Variants in NRG1 observed in about 807,000 individuals in gnomAD.
The protein encoded by NRG1 is neuregulin 1.
In NRG1, 18 loss-of-function variants were observed where a neutral mutation model predicts 63.8. The ratio of observed to expected loss-of-function variants is 0.28; its 90% CI spans 0.19 to 0.42. The LOEUF (loss-of-function observed/expected upper bound fraction) is 0.42, where lower values mean the gene tolerates loss of function less well. NRG1 is among the 10% of genes least tolerant of loss of function. The pLI is 1.00. For missense variants in NRG1, 762 were observed against 814.7 expected (o/e 0.94, Z 0.79); for synonymous variants, 302 against 301.3 (o/e 1.00, Z -0.02).
chr8:31,911,629 G>T (rs780351739), intron 1 of NRG1, among the ~76,000 whole-genome samples: 2 of 152,146 alleles, frequency 1.3e-5, no homozygotes, highest in Admixed American at 6.6e-5. Context: ...TGGGTACTAG[G>T]CTTAATACAT....
rs192469476 is a variant in NRG1, at chr8:31,919,535, A to G, written c.37+280104A>G. ...GACAATTTACATATTTATAGGAAAT[A>G]TAGTTTCAAATAGATTTTAAGGAGG... On this transcript the variant is annotated intron_variant, in intron 1 of 10. Transcript: ENST00000519301. 1.8e-3 allele frequency among the ~76,000 whole-genome samples: 277 copies of G among 152,192 alleles called. 5 individuals are homozygous for G. The highest frequency in any genetic ancestry group is 0.017 in the Admixed American group (257 of 15,254).
chr8:32,530,829 C>T (rs184515275), intron 1 of NRG1, among the ~76,000 whole-genome samples: 111 of 152,254 alleles, frequency 7.3e-4, no homozygotes, highest in South Asian at 1.2e-3. Flanking sequence ...TGGTGGCTCA[C>T]GCCTGTAATC....
rs148099283 is a variant in NRG1 at position 31,773,660 on chromosome 8, G to A, written c.37+134229G>A. On this transcript the variant is annotated intron_variant, in intron 1 of 10. Coordinates refer to the NRG1 transcript ENST00000519301. Reference sequence around the variant, plus strand: ...AGCCTTTGGCAGTTTTCTCTTAGAAGTGCATGCTTTTACTTAGCTTCAAGC... The same window carrying A: ...AGCCTTTGGCAGTTTTCTCTTAGAAATGCATGCTTTTACTTAGCTTCAAGC... 3.7e-3 allele frequency among the ~76,000 whole-genome samples: 568 copies of A among 152,286 alleles called. 4 individuals carry two copies. Among genetic ancestry groups the A allele is most frequent in the African/African-American group, 0.013 (549 of 41,552 alleles).
At chr8:32,476,550 T>A (rs1328704427) in intron 1 of NRG1, among the ~76,000 whole-genome samples, 1 of 152,226 alleles carries the variant, frequency 6.6e-6, no homozygotes, top group Non-Finnish European at 1.5e-5. Flanking sequence ...TGTGATCTCT[T>A]TTCTTTCAAG....
At chr8:31,985,487 T>A (rs1809910646) in intron 1 of NRG1, among the ~76,000 whole-genome samples, 1 of 152,088 alleles carries the variant, frequency 6.6e-6, no homozygotes, top group Non-Finnish European at 1.5e-5. Flanking sequence ...TAATGTATGA[T>A]GTTACCATTT....
chr8:32,120,725 C>A (rs953183936), intron 1 of NRG1, among the ~76,000 whole-genome samples: 2 of 151,990 alleles, frequency 1.3e-5, no homozygotes, highest in African/African-American at 4.8e-5. Flanking sequence ...TGCTGTATTA[C>A]CAGAGACCAA....
At chr8:32,614,484 T>C (rs756779664) in intron 3 of NRG1, 30 bp from the exon 4 acceptor site, 2 of 1,610,278 alleles carry the variant, frequency 1.2e-6, no homozygotes, top group Non-Finnish European at 1.7e-6. Flanking sequence ...TGTTTATATA[T>C]CATAATGTCC....
Position 31,936,370 on chromosome 8 carries a change from G to C in NRG1, c.37+296939G>C, listed in dbSNP as rs113238068. On this transcript the variant is annotated intron_variant, in intron 1 of 10. Coordinates refer to the NRG1 transcript ENST00000519301. ...TCGCAGTTAGGGGGTTTCTTAGAAA[G>C]TGCTATACATAATCAGATATAACCT... Among the ~76,000 whole-genome samples, 573 of 152,266 alleles carry C rather than the reference G, an allele frequency of 3.8e-3. 1 individual carries two copies. The highest frequency in any genetic ancestry group is 0.014 in the Middle Eastern group (4 of 294).
chr8:31,845,339 A>G (rs765039111), intron 1 of NRG1, among the ~76,000 whole-genome samples: 2 of 152,126 alleles, frequency 1.3e-5, no homozygotes, highest in Non-Finnish European at 2.9e-5. Flanking sequence ...TCTATTCTTC[A>G]TTAACTTATT....
intron 5 of NRG1, chr8:32,647,429 T>C: frequency 1.0e-6 from 1 of 985,422 alleles, no homozygotes; most frequent in Non-Finnish European, 1.2e-6. Flanking sequence ...TTTTCGTCCC[T>C]GTCCTCTTGA....
intron 1 of NRG1, among the ~76,000 whole-genome samples, chr8:31,834,464 T>G (rs1825512087): frequency 6.6e-6 from 1 of 152,196 alleles, no homozygotes; most frequent in Non-Finnish European, 1.5e-5. Context: ...CTCAGCAGTT[T>G]GGGAAGCTGA....
At chr8:32,145,667 C>T (rs1836794102) in intron 1 of NRG1, among the ~76,000 whole-genome samples, 1 of 152,198 alleles carries the variant, frequency 6.6e-6, no homozygotes, top group South Asian at 2.1e-4. Flanking sequence ...TGCAATGGGC[C>T]AGCCCTGAAG....
intron 1 of NRG1, among the ~76,000 whole-genome samples, chr8:32,319,960 C>T (rs192333870): frequency 7.9e-5 from 12 of 152,142 alleles, no homozygotes; most frequent in South Asian, 6.2e-4. Context: ...AAATATAGTG[C>T]GTGACCTTAG....
At chr8:32,233,361 C>A (rs1222503193) in intron 1 of NRG1, among the ~76,000 whole-genome samples, 1 of 151,700 alleles carries the variant, frequency 6.6e-6, no homozygotes, top group Non-Finnish European at 1.5e-5. Flanking sequence ...ATCCTCCCAC[C>A]TCCTCCTCCC....
intron 1 of NRG1, among the ~76,000 whole-genome samples, chr8:31,781,134 G>T (rs1489496255): frequency 6.6e-6 from 1 of 151,994 alleles, no homozygotes; most frequent in African/African-American, 2.4e-5. Context: ...ATCTTTGGGA[G>T]GCTCAATCAG....
At chr8:32,013,675 T>C (rs911678328) in intron 1 of NRG1, among the ~76,000 whole-genome samples, 3 of 152,032 alleles carry the variant, frequency 2.0e-5, no homozygotes, top group African/African-American at 2.4e-5. Context: ...CAGACTCCCA[T>C]AGATTTGGAA....
intron 1 of NRG1, among the ~76,000 whole-genome samples, chr8:32,313,436 A>T (rs969049216): frequency 2.0e-5 from 3 of 152,162 alleles, no homozygotes; most frequent in African/African-American, 7.2e-5. Flanking sequence ...ATAAATAACG[A>T]GTCCTCTGAA....
intron 1 of NRG1, among the ~76,000 whole-genome samples, chr8:32,150,604 G>A (rs75319128): frequency 6.6e-6 from 1 of 152,138 alleles, no homozygotes; most frequent in East Asian, 1.9e-4. Context: ...AATCTTGGAC[G>A]TTCCAGCCTC....
chr8:32,133,548 C>T (rs1020260661), intron 1 of NRG1, among the ~76,000 whole-genome samples: 3 of 152,034 alleles, frequency 2.0e-5, no homozygotes, highest in African/African-American at 7.2e-5. Flanking sequence ...TTGTTTCTTC[C>T]AAGAAATATT....
Sources: allele counts gnomAD v4.1 joint callset (sites outside exome capture counted in the v4.1 genomes callset), GRCh38; gene constraint gnomAD v4.1.1; transcripts MANE v1.5; gene names NCBI Gene and HGNC (gene_info 2026-07-23, HGNC 2026-07-21).